The following ATF6 variants were observed in gnomAD, a reference collection of about 807,000 sequenced individuals.
ATF6 encodes the protein activating transcription factor 6.
In ATF6, 53 loss-of-function variants were observed where a neutral mutation model predicts 83.6. That is an observed-to-expected ratio of 0.63 (90% CI 0.51 to 0.80). The LOEUF (loss-of-function observed/expected upper bound fraction) is 0.80. Ranked by LOEUF, ATF6 falls within the 30% of genes least tolerant of loss-of-function variation. The probability of loss-of-function intolerance (pLI) is 0.00; values close to 1 mark genes in which losing one functional copy is unlikely to be tolerated. For missense variants in ATF6, 744 were observed against 797.9 expected (o/e 0.93, Z 0.81); for synonymous variants, 288 against 285.8 (o/e 1.01, Z -0.08).
intron 14 of ATF6, among the ~76,000 whole-genome samples, chr1:161,907,689 A>G (rs2101884931): frequency 6.6e-6 from 1 of 152,368 alleles, no homozygotes; most frequent in African/African-American, 2.4e-5. Context: ...TAGTCTGTTA[A>G]TAAACAATAC....
intron 15 of ATF6, among the ~76,000 whole-genome samples, chr1:161,937,237 G>A (rs1484489728): frequency 6.6e-6 from 1 of 151,878 alleles, no homozygotes; most frequent in South Asian, 2.1e-4. Context: ...CCTGCTACTC[G>A]GGAGGCTGAG....
At chr1:161,872,952 T>A (rs533855081) in intron 14 of ATF6, among the ~76,000 whole-genome samples, 225 of 151,682 alleles carry the variant, frequency 1.5e-3, no homozygotes, top group Non-Finnish European at 2.7e-3. Flanking sequence ...TTGTAGTTAG[T>A]TTATATACAT....
rs1684879360 is a variant in ATF6 at position 161,791,470 on chromosome 1, T to A, written c.417T>A (p.Ser139=). 1 of 1,612,910 alleles carries A rather than the reference T, an allele frequency of 6.2e-7. No homozygotes were observed. The highest frequency in any genetic ancestry group is 8.5e-7 in the Non-Finnish European group (1 of 1,179,646). The change falls in exon 5 of 16, where the codon TCT becomes TCA. Residue 139 remains serine (S), a synonymous_variant. Transcript: ENST00000367942. ...MSPLSLYGEN[S]NSLSSAEPLK... The stretch of plus-strand genomic sequence containing the variant: ...CCCTTTCCTTATATGGTGAAAACTC[T>A]AATAGTCTCTCTTCAGCGGAGCCAC...
intron 10 of ATF6, among the ~76,000 whole-genome samples, chr1:161,847,922 A>C (rs1424165760): frequency 2.0e-5 from 3 of 152,160 alleles, no homozygotes; most frequent in Non-Finnish European, 4.4e-5. Context: ...CTTCCACATT[A>C]GCATAAGATA....
chr1:161,877,044 A>C (rs1687229757), intron 14 of ATF6, among the ~76,000 whole-genome samples: 1 of 152,134 alleles, frequency 6.6e-6, no homozygotes, highest in Admixed American at 6.6e-5. Context: ...TTTAGATAGA[A>C]GTTTCAGTAG....
At chr1:161,818,058 C>T (rs2101780626) in intron 7 of ATF6, among the ~76,000 whole-genome samples, 1 of 150,452 alleles carries the variant, frequency 6.6e-6, no homozygotes, top group Middle Eastern at 3.4e-3. Context: ...CCGAGATCTC[C>T]CCACCGTACT....
intron 7 of ATF6, among the ~76,000 whole-genome samples, chr1:161,816,532 A>G (rs1209409756): frequency 6.6e-6 from 1 of 152,224 alleles, no homozygotes; most frequent in African/African-American, 2.4e-5. Context: ...ACTTGGAGTC[A>G]ACTGACCTAA....
chr1:161,931,287 A>G (rs1688427693), intron 15 of ATF6, among the ~76,000 whole-genome samples: 1 of 152,212 alleles, frequency 6.6e-6, no homozygotes. Flanking sequence ...AAATTCTTAT[A>G]ATTAACATAA....
rs79633502 is a variant in ATF6 at position 161,818,501 on chromosome 1, A to C, written c.910-1132A>C. 3.0e-3 allele frequency among the ~76,000 whole-genome samples: 457 copies of C among 152,328 alleles called. 4 individuals are homozygous for C. The highest frequency in any genetic ancestry group is 0.011 in the African/African-American group (446 of 41,570). ...GTGGGGAAAGAGAGAGAGAGTTAAC[A>C]TTCTTGAAACAATTGAGAGCATTAG... On this transcript the variant is annotated intron_variant, in intron 7 of 15. Coordinates refer to ENST00000367942, the MANE Select transcript of ATF6 (RefSeq NM_007348.4).
intron 14 of ATF6, among the ~76,000 whole-genome samples, chr1:161,911,252 A>G (rs1205470287): frequency 1.3e-5 from 2 of 152,200 alleles, no homozygotes; most frequent in African/African-American, 4.8e-5. Flanking sequence ...CAGTTTAACC[A>G]TGCTCCCTTA....
intron 9 of ATF6, among the ~76,000 whole-genome samples, chr1:161,831,925 C>T (rs867547310): frequency 6.7e-6 from 1 of 150,092 alleles, no homozygotes; most frequent in African/African-American, 2.5e-5. Flanking sequence ...GCACATGTAC[C>T]CTAGAACTTA....
At chr1:161,950,592 G>A (rs1470837968) in intron 15 of ATF6, among the ~76,000 whole-genome samples, 1 of 152,184 alleles carries the variant, frequency 6.6e-6, no homozygotes, top group African/African-American at 2.4e-5. Context: ...TTAGAAGCCA[G>A]AAAGTAATAG....
At chr1:161,774,414 C>T (rs568288341) in intron 1 of ATF6, among the ~76,000 whole-genome samples, 5 of 150,826 alleles carry the variant, frequency 3.3e-5, no homozygotes, top group African/African-American at 1.2e-4. Context: ...TGTACACACA[C>T]ACACACACAC....
At chr1:161,772,097 C>T (rs1003161448) in intron 1 of ATF6, among the ~76,000 whole-genome samples, 2 of 152,222 alleles carry the variant, frequency 1.3e-5, no homozygotes, top group African/African-American at 4.8e-5. Flanking sequence ...TTCAGTCCTT[C>T]TGAGATTTTG....
Position 161,821,143 on chromosome 1 carries a change from T to C in ATF6, c.1169T>C (p.Leu390Pro). The change falls in exon 9 of 16, where the codon CTG (leucine) becomes CCG (proline). Residue 390 changes from leucine to proline, a missense_variant. Transcript: ENST00000367942. ...ATGATAGTATTGGCATTTATAATAC[T>C]GAACTATGGACCTATGAGGTAAGTG... is the stretch of plus-strand genomic sequence containing the variant. ...CVMIVLAFII[L>P]NYGPMSMLEQ... 1 of 1,610,606 alleles carries C rather than the reference T, an allele frequency of 6.2e-7. No individual in the cohort carries two copies. Among genetic ancestry groups the C allele is most frequent in the Non-Finnish European group, 8.5e-7 (1 of 1,177,714 alleles).
intron 6 of ATF6, among the ~76,000 whole-genome samples, chr1:161,801,304 G>A (rs1188773974): frequency 1.3e-5 from 2 of 148,998 alleles, no homozygotes; most frequent in Non-Finnish European, 3.0e-5. Flanking sequence ...TGTTTACCGT[G>A]ATTGTTAGCT....
intron 14 of ATF6, among the ~76,000 whole-genome samples, chr1:161,902,792 G>A (rs892417997): frequency 4.6e-5 from 7 of 152,142 alleles, no homozygotes; most frequent in Admixed American, 2.6e-4. Flanking sequence ...AAAGGGTAAC[G>A]ATATATAATA....
chr1:161,816,634 G>GAGGAGATTAATTGAATATATT (rs1685621100), intron 7 of ATF6, among the ~76,000 whole-genome samples: 1 of 152,138 alleles, frequency 6.6e-6, no homozygotes, highest in Non-Finnish European at 1.5e-5. Context: ...ATTTCAACAA[G>GAGGAGATTAATTGAATATATT]AGGAGATTAA....
intron 6 of ATF6, among the ~76,000 whole-genome samples, chr1:161,796,873 GC>G (rs1456225351): frequency 6.6e-6 from 1 of 151,076 alleles, no homozygotes; most frequent in Non-Finnish European, 1.5e-5. Flanking sequence ...TCTTTCTTTT[GC>G]CTGATTGCTC....
Sources: allele counts gnomAD v4.1 joint callset (sites outside exome capture counted in the v4.1 genomes callset), GRCh38; gene constraint gnomAD v4.1.1; transcripts MANE v1.5; gene names NCBI Gene and HGNC (gene_info 2026-07-23, HGNC 2026-07-21).